ADCY10: variants seen among roughly 807,000 people sequenced by gnomAD.
ADCY10 encodes the protein adenylate cyclase type 10.
ADCY10 carries 156 observed loss-of-function variants against 183.3 expected under a neutral mutation model. The ratio of observed to expected loss-of-function variants is 0.85; its 90% CI spans 0.75 to 0.97. The LOEUF (loss-of-function observed/expected upper bound fraction) is 0.97, where lower values mean the gene tolerates loss of function less well. ADCY10 is among the 50% of genes least tolerant of loss of function. The probability of loss-of-function intolerance (pLI) is 0.00; values close to 1 mark genes in which losing one functional copy is unlikely to be tolerated. For synonymous variants in ADCY10, 645 were observed against 670.0 expected, an observed-to-expected ratio of 0.96 and a Z score of 0.58; for missense variants, 1,745 against 1,934.3, an observed-to-expected ratio of 0.90 and a Z score of 1.84.
Position 167,901,809 on chromosome 1 carries a change from C to G in ADCY10, c.293-4G>C, listed in dbSNP as rs759443823. 4 of 1,614,082 alleles carry G rather than the reference C, an allele frequency of 2.5e-6. No homozygotes were observed. The East Asian group carries it at 6.7e-5, about 27-fold the overall frequency. On this transcript the variant is annotated splice_region_variant and splice_polypyrimidine_tract_variant and intron_variant, in intron 4 of 32. Coordinates refer to ENST00000367851, the MANE Select transcript of ADCY10 (RefSeq NM_018417.6). Reference sequence around the variant, plus strand: ...CACAGGGCTAGCAGTGCATCACCTTCAGAGAGAGACATGCCGCGGGCTTTT... The same window carrying G: ...CACAGGGCTAGCAGTGCATCACCTTGAGAGAGAGACATGCCGCGGGCTTTT...
At position 167,813,626 on chromosome 1, in the gene ADCY10, A is replaced by G. The variant is rs1351870495; in HGVS notation, c.4483-2713T>C. 2.0e-5 allele frequency among the ~76,000 whole-genome samples: 3 copies of G among 152,194 alleles called. No individual in the cohort carries two copies. The South Asian group carries it at 6.2e-4, about 32-fold the overall frequency. On this transcript the variant is annotated intron_variant, in intron 31 of 32. Transcript: ENST00000367851. ...AATAAAGATCTCAACAAAGGTAAAT[A>G]CATGGACAATTAAGTGTTATTGTAA...
intron 2 of ADCY10, chr1:167,904,645 A>T (rs777400517): frequency 6.4e-5 from 36 of 561,946 alleles, no homozygotes; most frequent in Admixed American, 1.2e-4. Context: ...AGATGTAAAC[A>T]TCATCTAGGG....
chr1:167,911,765 C>A (rs149262144), intron 1 of ADCY10, among the ~76,000 whole-genome samples: 1 of 152,128 alleles, frequency 6.6e-6, no homozygotes, highest in African/African-American at 2.4e-5. Context: ...CATTGGAGAA[C>A]AAGCGTTTCA....
chr1:167,817,974 A>G, intron 31 of ADCY10, 98 bp downstream of exon 31: 1 of 1,233,706 alleles, frequency 8.1e-7, no homozygotes. Flanking sequence ...TATTATAAAA[A>G]TATATGAATT....
chr1:167,901,985 T>C (rs373487041), intron 4 of ADCY10, 31 bp downstream of exon 4: 89 of 1,613,440 alleles, frequency 5.5e-5, no homozygotes, highest in Middle Eastern at 1.6e-4. Flanking sequence ...CACTCCTTTC[T>C]TACCCCTTCT....
At chr1:167,832,517 A>G (rs1372470034) in intron 25 of ADCY10, among the ~76,000 whole-genome samples, 1 of 152,062 alleles carries the variant, frequency 6.6e-6, no homozygotes, top group African/African-American at 2.4e-5. Flanking sequence ...CCATATCCCT[A>G]TTGAGATTCC....
At chr1:167,878,153 T>G (rs999836514) in intron 12 of ADCY10, among the ~76,000 whole-genome samples, 4 of 152,172 alleles carry the variant, frequency 2.6e-5, no homozygotes, top group African/African-American at 9.7e-5. Flanking sequence ...TTGGGCCCAT[T>G]TGGGTGCAAA....
chr1:167,812,924 A>G (rs1179826900), intron 31 of ADCY10, among the ~76,000 whole-genome samples: 2 of 152,184 alleles, frequency 1.3e-5, no homozygotes, highest in Non-Finnish European at 2.9e-5. Context: ...GCAGACTTGA[A>G]GATAAGACAA....
intron 12 of ADCY10, among the ~76,000 whole-genome samples, chr1:167,877,811 C>T (rs1031654629): frequency 3.9e-5 from 6 of 152,074 alleles, no homozygotes; most frequent in Admixed American, 1.3e-4. Flanking sequence ...AAATTGACTG[C>T]GGTTTTCCCA....
In ADCY10 at chr1:167,899,551, C is replaced by T; in HGVS notation, c.514G>A (p.Val172Met). 2 of 1,614,256 alleles carry T rather than the reference C, an allele frequency of 1.2e-6. No homozygotes were observed. Among genetic ancestry groups the T allele is most frequent in the East Asian group, 2.2e-5 (1 of 44,884 alleles). ...HSHFLVIGQAVDDVRLAQNMA... is the reference protein window; with the variant it reads ...HSHFLVIGQAMDDVRLAQNMA... The stretch of plus-strand genomic sequence containing the variant: ...TTCTGGGCAAGGCGCACATCGTCCA[C>T]TGCCTGACCAATCACCAGAAAGTGG... Residue 172 changes from valine to methionine, a missense_variant, in exon 6 of 33, where the codon GTG (valine) becomes ATG (methionine). By Grantham distance (21) the Val-to-Met change is conservative. Transcript: ENST00000367851.
rs1477122488 is a variant in ADCY10, at chr1:167,892,890, A to G, written c.828+963T>C. ...AGACCAGGGTCCAAATCCTAGCTAT[A>G]TCTTTTACTTGACAACCTCAGGAAA... On this transcript the variant is annotated intron_variant, in intron 8 of 32. Transcript: ENST00000367851. 3.3e-5 allele frequency among the ~76,000 whole-genome samples: 5 copies of G among 152,238 alleles called. 1 individual carries two copies. In the South Asian group the frequency reaches 8.3e-4, roughly 25 times the overall value.
At chr1:167,823,771 T>G (rs1397532173) in intron 28 of ADCY10, among the ~76,000 whole-genome samples, 7 of 152,160 alleles carry the variant, frequency 4.6e-5, no homozygotes, top group Non-Finnish European at 1.0e-4. Context: ...AATCTCAAAT[T>G]GGCTCTTTTT....
At chr1:167,912,481 G>A (rs1476761008) in intron 1 of ADCY10, among the ~76,000 whole-genome samples, 3 of 152,204 alleles carry the variant, frequency 2.0e-5, no homozygotes, top group Non-Finnish European at 2.9e-5. Context: ...TAGGGTGAGA[G>A]GGCTAGCTTT....
chr1:167,899,024 T>C (rs1339431228), intron 6 of ADCY10, among the ~76,000 whole-genome samples: 2 of 152,144 alleles, frequency 1.3e-5, no homozygotes, highest in African/African-American at 4.8e-5. Context: ...AACCTTTACC[T>C]TCAGTGATCC....
intron 26 of ADCY10, among the ~76,000 whole-genome samples, 162 bp downstream of exon 26, chr1:167,829,105 G>A (rs1028852547): frequency 3.3e-5 from 5 of 152,088 alleles, no homozygotes; most frequent in African/African-American, 9.7e-5. Flanking sequence ...AGTGATCCTG[G>A]AGCCAAAGTG....
At chr1:167,834,178 C>G in intron 23 of ADCY10, 101 bp from the exon 24 acceptor site, 1 of 860,712 alleles carries the variant, frequency 1.2e-6, no homozygotes, top group East Asian at 2.6e-5. Flanking sequence ...GATGCAGGAG[C>G]CATTTCAGTT....
Position 167,824,828 on chromosome 1 carries a change from G to A in ADCY10, c.3778C>T (p.Leu1260=). The part of the protein sequence containing the change: ...QIIKAYLDYS[L]YHHLAGYKGV... ...TTGTAGCCAGCCAGGTGGTGGTATA[G>A]CGAATAGTCTAGGTAAGCCTTAATG... Residue 1260 remains leucine, a synonymous_variant, in exon 27 of 33, where the codon CTA becomes TTA. Coordinates refer to ENST00000367851, the MANE Select transcript of ADCY10 (RefSeq NM_018417.6). 6.2e-7 allele frequency: 1 copy of A among 1,614,266 alleles called. No individual in the cohort carries two copies. The highest frequency in any genetic ancestry group is 8.5e-7 in the Non-Finnish European group (1 of 1,180,058).
chr1:167,826,220 G>C (rs1044636786), intron 26 of ADCY10, among the ~76,000 whole-genome samples: 1 of 152,220 alleles, frequency 6.6e-6, no homozygotes, highest in East Asian at 1.9e-4. Context: ...AGCCAGAAAT[G>C]GTGGTGGGGG....
intron 1 of ADCY10, among the ~76,000 whole-genome samples, chr1:167,908,331 C>T (rs1270750571): frequency 1.3e-5 from 2 of 152,104 alleles, no homozygotes; most frequent in Non-Finnish European, 2.9e-5. Flanking sequence ...AACGATCTCA[C>T]TTATATATGG....
Sources: allele counts gnomAD v4.1 joint callset (sites outside exome capture counted in the v4.1 genomes callset), GRCh38; gene constraint gnomAD v4.1.1; transcripts MANE v1.5; gene names NCBI Gene and HGNC (gene_info 2026-07-23, HGNC 2026-07-21).